BFSP1: variants seen among roughly 807,000 people sequenced by gnomAD.
BFSP1 encodes the protein beaded filament structural protein 1.
A neutral mutation model predicts 43.9 loss-of-function variants in BFSP1; 38 were observed. The ratio of observed to expected loss-of-function variants is 0.87; its 90% CI spans 0.67 to 1.14. BFSP1 has a LOEUF of 1.14. BFSP1 is among the 50% of genes most tolerant of loss of function. BFSP1 has a pLI of 0.00. For synonymous variants in BFSP1, 352 were observed against 354.8 expected (o/e 0.99, Z 0.09); for missense variants, 850 against 875.1 (o/e 0.97, Z 0.36).
rs368614893 is a variant in BFSP1, at chr20:17,524,911, G to T, written c.378-3C>A. 6 of 1,613,292 alleles carry T rather than the reference G, an allele frequency of 3.7e-6. No homozygotes were observed. The highest frequency in any genetic ancestry group is 1.1e-5 in the South Asian group (1 of 91,066). ...GACATTCGCACTCATTTTCATACCT[G>T]CAAATTGGACACATAAGTGAGAGTT... On this transcript the variant is annotated splice_region_variant and splice_polypyrimidine_tract_variant and intron_variant, in intron 1 of 7. Transcript: ENST00000377873.
intron 4 of BFSP1, among the ~76,000 whole-genome samples, chr20:17,510,349 TG>T (rs1157627519): frequency 6.6e-6 from 1 of 152,250 alleles, no homozygotes; most frequent in African/African-American, 2.4e-5. Flanking sequence ...TATGCTCGGA[TG>T]TAAAACACCT....
chr20:17,509,235 C>T (rs757985981), intron 4 of BFSP1, among the ~76,000 whole-genome samples: 10 of 151,826 alleles, frequency 6.6e-5, no homozygotes, highest in Non-Finnish European at 1.0e-4. Context: ...CAAGAAGAGA[C>T]ACCAGAGCCC....
intron 2 of BFSP1, among the ~76,000 whole-genome samples, chr20:17,515,232 A>G (rs1309157225): frequency 2.0e-5 from 3 of 152,238 alleles, no homozygotes; most frequent in Non-Finnish European, 2.9e-5. Context: ...AGCCAGGGTT[A>G]AGTAACCTTG....
rs767136257 is a variant in BFSP1, at chr20:17,494,634, C to T, written c.1438G>A (p.Val480Met). 3.3e-5 allele frequency: 54 copies of T among 1,614,070 alleles called. No homozygotes were observed. In the Admixed American group the frequency reaches 5.7e-4, roughly 17 times the overall value. ...HVLVTGDANY[V>M]DPRFYVSSIT... is the part of the protein sequence containing the mutation. ...GAGGAGACATAGAATCTAGGGTCCACGTAATTGGCATCCCCTGTGACCAGC... is the reference window on the plus strand; with the variant it reads ...GAGGAGACATAGAATCTAGGGTCCATGTAATTGGCATCCCCTGTGACCAGC... The change falls in exon 8 of 8, where the codon GTG becomes ATG. Residue 480 changes from valine (V) to methionine (M), a missense_variant. Coordinates refer to ENST00000377873, the MANE Select transcript of BFSP1 (RefSeq NM_001195.5).
chr20:17,556,733 A>G (rs566288797), intron 1 of BFSP1, among the ~76,000 whole-genome samples: 1 of 152,024 alleles, frequency 6.6e-6, no homozygotes, highest in African/African-American at 2.4e-5. Flanking sequence ...TAATAAGAAG[A>G]CATTCCCAGA....
At chr20:17,521,724 C>G (rs1355845610) in intron 2 of BFSP1, among the ~76,000 whole-genome samples, 1 of 152,200 alleles carries the variant, frequency 6.6e-6, no homozygotes, top group Admixed American at 6.5e-5. Context: ...GACTGGGTAC[C>G]TGTGGCTTAT....
At chr20:17,568,172 T>C (rs945562637) in intron 1 of BFSP1, among the ~76,000 whole-genome samples, 34 of 152,190 alleles carry the variant, frequency 2.2e-4, no homozygotes, top group African/African-American at 7.0e-4. Flanking sequence ...AAAAGTAGGC[T>C]GAGGCCAGAG....
intron 1 of BFSP1, among the ~76,000 whole-genome samples, chr20:17,528,261 A>C (rs1307703201): frequency 2.0e-5 from 3 of 152,262 alleles, no homozygotes; most frequent in African/African-American, 7.2e-5. Context: ...TATGAATTTT[A>C]AATAAATCAC....
intron 5 of BFSP1, among the ~76,000 whole-genome samples, chr20:17,504,974 C>T (rs1487244331): frequency 1.3e-5 from 2 of 150,134 alleles, no homozygotes. Context: ...TCATTACATA[C>T]TGTCTTACAC....
upstream of BFSP1, among the ~76,000 whole-genome samples, chr20:17,533,738 A>AC (rs1275624445): frequency 6.6e-6 from 1 of 152,240 alleles, no homozygotes; most frequent in African/African-American, 2.4e-5. Context: ...GAGAATCAGG[A>AC]CCCACAACTC....
At chr20:17,533,981 CT>C (rs1320390786), upstream of BFSP1, among the ~76,000 whole-genome samples, 1 of 152,174 alleles carries the variant, frequency 6.6e-6, no homozygotes, top group African/African-American at 2.4e-5. Flanking sequence ...AAATAAAGAT[CT>C]TAGCAAAATG....
At chr20:17,511,518 C>G (rs1046837838) in intron 4 of BFSP1, among the ~76,000 whole-genome samples, 2 of 152,144 alleles carry the variant, frequency 1.3e-5, no homozygotes, top group African/African-American at 4.8e-5. Context: ...CAAAAGGATG[C>G]TCGGCTTCCT....
chr20:17,527,744 TA>T (rs1003384770), intron 1 of BFSP1, among the ~76,000 whole-genome samples: 8 of 116,796 alleles, frequency 6.8e-5, no homozygotes, highest in Admixed American at 6.6e-4. Context: ...AATAATAAAA[TA>T]AAATAAGAGA....
At chr20:17,559,198 C>G (rs193115915), upstream of BFSP1, among the ~76,000 whole-genome samples, 12 of 152,274 alleles carry the variant, frequency 7.9e-5, no homozygotes, top group East Asian at 2.3e-3. Flanking sequence ...AGTCTACAAT[C>G]TAGAAAACTA....
chr20:17,548,451 C>T (rs1475594832), intron 1 of BFSP1, among the ~76,000 whole-genome samples: 1 of 152,188 alleles, frequency 6.6e-6, no homozygotes, highest in Non-Finnish European at 1.5e-5. Context: ...CAGATTCAGA[C>T]TTGTTAAAGC....
In BFSP1 at chr20:17,543,006, C is replaced by A. The variant is rs190538733; in HGVS notation, c.2+15682G>T. Among the ~76,000 whole-genome samples the A allele has an allele frequency of 7.7e-3, 1,178 of 152,324 alleles. 7 individuals carry two copies. The highest frequency in any genetic ancestry group is 0.017 in the South Asian group (80 of 4,828). ...TCAGCACCGCTAGAGGAATCTGTCT[C>A]TGTTTCAGTGGAAAAGGAGGCAGTT... On this transcript the variant is annotated intron_variant, in intron 1 of 7. Transcript: ENST00000377868.
intron 1 of BFSP1, among the ~76,000 whole-genome samples, chr20:17,548,564 A>G (rs921828716): frequency 3.3e-5 from 5 of 152,200 alleles, no homozygotes; most frequent in African/African-American, 1.2e-4. Context: ...TTCTTGGGCC[A>G]TTAGAAAGTG....
chr20:17,501,730 T>C (rs1158460161), intron 5 of BFSP1, among the ~76,000 whole-genome samples: 1 of 152,238 alleles, frequency 6.6e-6, no homozygotes, highest in Admixed American at 6.5e-5. Flanking sequence ...CTGTGTCTGA[T>C]GTCAGCCCCA....
chr20:17,534,601 A>C (rs897425458), upstream of BFSP1, among the ~76,000 whole-genome samples: 2 of 152,238 alleles, frequency 1.3e-5, no homozygotes, highest in African/African-American at 4.8e-5. Flanking sequence ...ATCCCAAAGA[A>C]GGAACATCCT....
Sources: gnomAD v4.1 joint callset for allele counts (sites outside exome capture counted in the v4.1 genomes callset) on GRCh38, gnomAD v4.1.1 for gene constraint, MANE v1.5 for transcripts, NCBI Gene and HGNC (gene_info 2026-07-23, HGNC 2026-07-21) for gene names.